The following DNAH8 variants were observed in gnomAD, a reference collection of about 807,000 sequenced individuals.
The protein encoded by DNAH8 is axonemal beta dynein heavy chain 8.
A neutral mutation model predicts 562.1 loss-of-function variants in DNAH8; 382 were observed. The observed-to-expected ratio is 0.68, with a 90% confidence interval of 0.63 to 0.74. The LOEUF (loss-of-function observed/expected upper bound fraction) is 0.74, where lower values mean the gene tolerates loss of function less well. Among genes scored for constraint, DNAH8 ranks in the 30% least tolerant of loss-of-function variants. The probability of loss-of-function intolerance (pLI) is 0.00; values close to 1 mark genes in which losing one functional copy is unlikely to be tolerated. For missense variants in DNAH8, 5,203 were observed against 5,620.4 expected (o/e 0.93, Z 2.37); for synonymous variants, 1,881 against 1,919.4 (o/e 0.98, Z 0.52).
chr6:39,029,887 C>T (rs935779954), intron 92 of DNAH8, among the ~76,000 whole-genome samples: 84 of 152,292 alleles, frequency 5.5e-4, no homozygotes, highest in African/African-American at 2.0e-3. Context: ...TAATAACAAA[C>T]ACGAACATCT....
At chr6:39,025,332 C>A (rs1352281340) in intron 91 of DNAH8, among the ~76,000 whole-genome samples, 5 of 152,256 alleles carry the variant, frequency 3.3e-5, no homozygotes, top group Non-Finnish European at 7.3e-5. Flanking sequence ...AATGTCCAGC[C>A]TCCCCCACAC....
chr6:38,823,136 A>G lies in DNAH8; in HGVS notation c.3720+102A>G, dbSNP rs1773025445. ...GGGATAATGACAGGAACCCATGAGC[A>G]GAGGCCAAGAATCTATAAATACCAA... On this transcript the variant is annotated intron_variant, in intron 27 of 92. Transcript: ENST00000327475. 6.8e-6 allele frequency: 7 copies of G among 1,029,858 alleles called. No homozygotes were observed. The South Asian group carries it at 1.2e-4, about 18-fold the overall frequency. 63.8% of individuals were successfully genotyped at this position (1,029,858 alleles called of 1,614,324 possible). A position where few individuals can be genotyped will look rare whatever the true frequency, so the allele number is the denominator to read the frequency against.
At chr6:38,933,995 A>G (rs958707744) in intron 76 of DNAH8, among the ~76,000 whole-genome samples, 3 of 152,224 alleles carry the variant, frequency 2.0e-5, no homozygotes, top group Non-Finnish European at 4.4e-5. Flanking sequence ...AAGCTTATGT[A>G]TCTGTTTTCT....
intron 83 of DNAH8, chr6:38,971,972 T>C (rs1440703635): frequency 4.3e-6 from 1 of 231,322 alleles, no homozygotes; most frequent in Non-Finnish European, 8.4e-6. Context: ...TCAATATGAA[T>C]AGGTAGTACT....
intron 48 of DNAH8, among the ~76,000 whole-genome samples, chr6:38,868,675 AT>A (rs11398061): frequency 0.022 from 3,198 of 146,602 alleles, 80 homozygotes; most frequent in African/African-American, 0.059. Flanking sequence ...TTACAGCCTG[AT>A]TTTTTTTTTT....
chr6:38,940,657 C>T (rs1019254429), intron 79 of DNAH8, among the ~76,000 whole-genome samples: 6 of 152,130 alleles, frequency 3.9e-5, no homozygotes, highest in African/African-American at 1.4e-4. Flanking sequence ...TGACACATGT[C>T]ACTTACGCTC....
intron 10 of DNAH8, among the ~76,000 whole-genome samples, chr6:38,761,487 G>A (rs1229127253): frequency 6.7e-6 from 1 of 149,834 alleles, no homozygotes; most frequent in Non-Finnish European, 1.5e-5. Context: ...TTAGAGACAG[G>A]GTCTCATTCT....
At position 38,938,779 on chromosome 6, in the gene DNAH8, T is replaced by C; in HGVS notation, c.11817-19T>C. ...AAGAAATTGCCCTTTGCTTCTTTGA[T>C]TCTTAAAATGTGTTTCAGATCTGAA... is the stretch of plus-strand genomic sequence containing the variant. On this transcript the variant is annotated intron_variant, in intron 78 of 92. Transcript: ENST00000327475. 6.4e-7 allele frequency: 1 copy of C among 1,561,928 alleles called. No individual in the cohort carries two copies. The highest frequency in any genetic ancestry group is 1.2e-5 in the South Asian group (1 of 85,640).
At chr6:38,748,893 A>G (rs1234629414) in intron 8 of DNAH8, among the ~76,000 whole-genome samples, 1 of 152,042 alleles carries the variant, frequency 6.6e-6, no homozygotes, top group Non-Finnish European at 1.5e-5. Context: ...GAATCCATTG[A>G]TAGAATGATA....
intron 12 of DNAH8, among the ~76,000 whole-genome samples, chr6:38,773,330 C>T (rs1767757745): frequency 6.6e-6 from 1 of 152,062 alleles, no homozygotes; most frequent in African/African-American, 2.4e-5. Context: ...AGTTTCAGGA[C>T]TAAACCTTAT....
At chr6:38,754,086 A>T (rs1176028654) in intron 9 of DNAH8, among the ~76,000 whole-genome samples, 1 of 152,048 alleles carries the variant, frequency 6.6e-6, no homozygotes, top group African/African-American at 2.4e-5. Flanking sequence ...AGTTTTATGT[A>T]TGTTTCATTT....
intron 91 of DNAH8, among the ~76,000 whole-genome samples, chr6:39,018,898 G>T (rs1171743220): frequency 6.6e-6 from 1 of 152,214 alleles, no homozygotes; most frequent in Non-Finnish European, 1.5e-5. Context: ...GGAATAGGTG[G>T]GGAGGTACAG....
At chr6:38,742,790 A>AC (rs34597872) in intron 8 of DNAH8, among the ~76,000 whole-genome samples, 38,836 of 151,712 alleles carry the variant, frequency 0.26, 5,886 homozygotes, top group Non-Finnish European at 0.35. Flanking sequence ...TTTCTATTTT[A>AC]TTTTTTCCTC....
Position 38,746,654 on chromosome 6 carries a change from C to T in DNAH8, c.1294-3822C>T, listed in dbSNP as rs192588767. On this transcript the variant is annotated intron_variant, in intron 8 of 92. Coordinates refer to ENST00000327475, the MANE Select transcript of DNAH8 (RefSeq NM_001206927.2). ...TCTTAAGAAGAATAAATTGGTTGGGCGTGGTGGCTCACGCCTGTAATCCCA... is the reference window on the plus strand; with the variant it reads ...TCTTAAGAAGAATAAATTGGTTGGGTGTGGTGGCTCACGCCTGTAATCCCA... Among the ~76,000 whole-genome samples, 23 of 151,912 alleles carry T rather than the reference C, an allele frequency of 1.5e-4. 1 individual carries two copies. In the East Asian group the frequency reaches 3.5e-3, roughly 23 times the overall value.
Position 38,805,571 on chromosome 6 carries a change from A to T in DNAH8, c.3125A>T (p.His1042Leu). ...EANIVNEFDTHDKEDEFKKEC... is the reference protein window; with the variant it reads ...EANIVNEFDTLDKEDEFKKEC... ...AATATTGTGAATGAGTTTGATACTC[A>T]TGATAAAGAAGATGAATTTAAAAAG... Residue 1042 changes from histidine (H) to leucine (L), a missense_variant, in exon 23 of 93, where the codon CAT (histidine) becomes CTT (leucine). Physicochemically the swap from His to Leu is moderately conservative, Grantham distance 99. This residue lies in a region of DNAH8 where 2,176 missense variants were observed against 2,365.1 expected (regional missense o/e 0.92). Transcript: ENST00000327475. The T allele has an allele frequency of 6.3e-7, 1 of 1,577,194 alleles. No individual in the cohort carries two copies. The highest frequency in any genetic ancestry group is 1.3e-5 in the African/African-American group (1 of 74,428).
chr6:38,839,647 C>T (rs914149923), intron 33 of DNAH8, among the ~76,000 whole-genome samples: 2 of 151,798 alleles, frequency 1.3e-5, no homozygotes, highest in East Asian at 1.9e-4. Flanking sequence ...TGTGAGCACC[C>T]GCACCCAACC....
intron 7 of DNAH8, among the ~76,000 whole-genome samples, chr6:38,738,666 AAAT>A (rs1764296855): frequency 3.9e-5 from 6 of 152,162 alleles, no homozygotes; most frequent in Non-Finnish European, 5.9e-5. Context: ...CAAGGGGAAA[AAAT>A]CTTGACCAGG....
intron 91 of DNAH8, among the ~76,000 whole-genome samples, chr6:39,019,931 C>T (rs1021918987): frequency 1.3e-5 from 2 of 151,988 alleles, no homozygotes; most frequent in Non-Finnish European, 2.9e-5. Flanking sequence ...AGGGTTGAGC[C>T]GGGGCAACCT....
intron 82 of DNAH8, among the ~76,000 whole-genome samples, chr6:38,966,854 T>C (rs1763001144): frequency 6.6e-6 from 1 of 152,124 alleles, no homozygotes; most frequent in Non-Finnish European, 1.5e-5. Context: ...GAGTCCAAGA[T>C]CAAGACCTTG....
Sources: gnomAD v4.1 joint callset for allele counts (sites outside exome capture counted in the v4.1 genomes callset) on GRCh38, gnomAD v4.1.1 for gene constraint, gnomAD v4.1.1 regional missense constraint, MANE v1.5 for transcripts, NCBI Gene and HGNC (gene_info 2026-07-23, HGNC 2026-07-21) for gene names.